Variants in MAPRE2 observed in about 807,000 individuals in gnomAD.
The protein encoded by MAPRE2 is microtubule-associated protein RP/EB family member 2.
MAPRE2 carries 13 observed loss-of-function variants against 43.2 expected under a neutral mutation model. The observed-to-expected ratio is 0.30, with a 90% confidence interval of 0.20 to 0.48. The LOEUF (loss-of-function observed/expected upper bound fraction) is 0.48, where lower values mean the gene tolerates loss of function less well. Ranked by LOEUF, MAPRE2 falls within the 20% of genes least tolerant of loss-of-function variation. MAPRE2 has a pLI of 0.99. For synonymous variants in MAPRE2, 135 were observed against 148.8 expected, an observed-to-expected ratio of 0.91 and a Z score of 0.68; for missense variants, 161 against 400.2, an observed-to-expected ratio of 0.40 and a Z score of 5.10.
At chr18:35,008,143 C>T (rs1211886967) in intron 2 of MAPRE2, among the ~76,000 whole-genome samples, 2 of 152,114 alleles carry the variant, frequency 1.3e-5, no homozygotes, top group African/African-American at 4.8e-5. Flanking sequence ...TCTGTTCCTG[C>T]ACCACACACA....
intron 2 of MAPRE2, among the ~76,000 whole-genome samples, chr18:35,096,593 C>T (rs891712395): frequency 1.3e-5 from 2 of 151,970 alleles, no homozygotes; most frequent in African/African-American, 4.8e-5. Flanking sequence ...GAACATGACT[C>T]TGAACTTCTA....
At chr18:35,099,078 G>C (rs1328935245) in intron 3 of MAPRE2, among the ~76,000 whole-genome samples, 1 of 152,158 alleles carries the variant, frequency 6.6e-6, no homozygotes, top group African/African-American at 2.4e-5. Flanking sequence ...CTTTCATGTT[G>C]ATAGAGAATG....
At chr18:35,002,091 G>A (rs971595510) in intron 1 of MAPRE2, among the ~76,000 whole-genome samples, 17 of 152,024 alleles carry the variant, frequency 1.1e-4, no homozygotes, top group Admixed American at 9.8e-4. Context: ...TTTCCCTCCA[G>A]CCCTCACCCC....
intron 3 of MAPRE2, among the ~76,000 whole-genome samples, chr18:35,099,990 A>G (rs1453745169): frequency 6.6e-6 from 1 of 152,214 alleles, no homozygotes; most frequent in Non-Finnish European, 1.5e-5. Context: ...AATGATGTGT[A>G]GCTCCCACAG....
At chr18:35,073,981 A>G (rs970288936) in intron 2 of MAPRE2, among the ~76,000 whole-genome samples, 4 of 152,232 alleles carry the variant, frequency 2.6e-5, no homozygotes, top group Non-Finnish European at 5.9e-5. Context: ...TTCTTTGAAC[A>G]TTAAATCTGG....
intron 2 of MAPRE2, among the ~76,000 whole-genome samples, chr18:35,091,234 G>A (rs1280279178): frequency 1.3e-5 from 2 of 152,198 alleles, no homozygotes; most frequent in African/African-American, 4.8e-5. Context: ...AATCTCATGT[G>A]ACAGTTCACA....
chr18:34,988,273 G>A (rs1164162529), intron 1 of MAPRE2, among the ~76,000 whole-genome samples: 1 of 152,144 alleles, frequency 6.6e-6, no homozygotes, highest in Non-Finnish European at 1.5e-5. Context: ...TTCTTTTTGA[G>A]TTCTAAAACC....
intron 2 of MAPRE2, among the ~76,000 whole-genome samples, chr18:35,017,797 T>A (rs1020075754): frequency 2.6e-5 from 4 of 151,680 alleles, no homozygotes; most frequent in African/African-American, 7.3e-5. Context: ...CTTCTTTTCC[T>A]ATTTGGATGC....
upstream of MAPRE2, among the ~76,000 whole-genome samples, chr18:35,041,190 G>A (rs2150597822): frequency 6.6e-6 from 1 of 152,356 alleles, no homozygotes. Context: ...GGGGCTGCAG[G>A]GTGGCCTGGG....
chr18:35,044,117 T>C (rs1466309698), intron 1 of MAPRE2, among the ~76,000 whole-genome samples: 4 of 152,188 alleles, frequency 2.6e-5, no homozygotes, highest in Non-Finnish European at 4.4e-5. Context: ...TCCCTTATGG[T>C]GGGGTTGGGG....
chr18:35,003,300 T>G (rs889418554), intron 1 of MAPRE2, among the ~76,000 whole-genome samples: 1 of 152,242 alleles, frequency 6.6e-6, no homozygotes, highest in African/African-American at 2.4e-5. Context: ...TGACTGCTAT[T>G]AAGGTATTTT....
intron 2 of MAPRE2, among the ~76,000 whole-genome samples, chr18:35,013,634 T>C (rs1225607765): frequency 6.6e-6 from 1 of 152,136 alleles, no homozygotes; most frequent in Non-Finnish European, 1.5e-5. Flanking sequence ...TAGCTGTAAT[T>C]TTGTATCCTT....
chr18:34,978,562 A>G, intron 1 of MAPRE2: 3 of 1,551,184 alleles, frequency 1.9e-6, no homozygotes, highest in Non-Finnish European at 2.6e-6. Context: ...GAATGGCAAC[A>G]TTTCCCCTGC....
intron 1 of MAPRE2, among the ~76,000 whole-genome samples, chr18:35,055,537 CTGTGTGTG>C (rs34194364): frequency 6.8e-6 from 1 of 146,592 alleles, no homozygotes; most frequent in African/African-American, 2.6e-5. Flanking sequence ...ATTCAGTTCT[CTGTGTGTG>C]TGTGTGTGTG....
At chr18:35,020,494 C>A (rs555763856) in intron 2 of MAPRE2, among the ~76,000 whole-genome samples, 1 of 151,600 alleles carries the variant, frequency 6.6e-6, no homozygotes, top group South Asian at 2.1e-4. Flanking sequence ...TGGCCTGAAC[C>A]ATTTGCACCC....
chr18:35,005,609 T>G (rs2097031502), intron 2 of MAPRE2: 15 of 1,068,486 alleles, frequency 1.4e-5, no homozygotes, highest in Non-Finnish European at 1.8e-5. Context: ...TAATTTAAAG[T>G]GAGTAGTAAT....
At position 35,053,193 on chromosome 18, in the gene MAPRE2, A is replaced by G. The variant is rs934490972; in HGVS notation, c.122+11532A>G. Among the ~76,000 whole-genome samples, 4 of 152,274 alleles carry G rather than the reference A, an allele frequency of 2.6e-5. No individual in the cohort carries two copies. The East Asian group carries it at 7.7e-4, about 29-fold the overall frequency. ...TGGATCACTTGAGGTCAGGAGTTTG[A>G]GATCAGCCTGGCCAACATGGTGAAA... On this transcript the variant is annotated intron_variant, in intron 1 of 6. Transcript: ENST00000300249.
intron 1 of MAPRE2, among the ~76,000 whole-genome samples, chr18:34,987,303 G>T (rs980244952): frequency 1.3e-5 from 2 of 152,150 alleles, no homozygotes; most frequent in African/African-American, 4.8e-5. Flanking sequence ...ATGATGCCTT[G>T]CTACCTAGAT....
intron 2 of MAPRE2, among the ~76,000 whole-genome samples, chr18:35,078,830 A>G (rs1024436283): frequency 4.6e-5 from 7 of 152,202 alleles, no homozygotes; most frequent in Admixed American, 3.9e-4. Flanking sequence ...GTGTGTCCCA[A>G]TGGTATCATC....
Sources: allele counts gnomAD v4.1 joint callset (sites outside exome capture counted in the v4.1 genomes callset), GRCh38; gene constraint gnomAD v4.1.1; transcripts MANE v1.5; gene names NCBI Gene and HGNC (gene_info 2026-07-23, HGNC 2026-07-21).